PTPRD: variants seen among roughly 807,000 people sequenced by gnomAD.
PTPRD encodes protein tyrosine phosphatase receptor type D.
PTPRD carries 34 observed loss-of-function variants against 214.5 expected under a neutral mutation model. That is an observed-to-expected ratio of 0.16 (90% confidence interval 0.12 to 0.21). The LOEUF is 0.21. Among genes scored for constraint, PTPRD ranks in the 10% least tolerant of loss-of-function variants. PTPRD has a pLI of 1.00. For missense variants in PTPRD, 2,545 were observed against 2,398.7 expected (o/e 1.06, Z -1.27); for synonymous variants, 1,128 against 845.7 (o/e 1.33, Z -5.79).
At chr9:9,761,068 G>A (rs1371159749) in intron 6 of PTPRD, among the ~76,000 whole-genome samples, 2 of 152,130 alleles carry the variant, frequency 1.3e-5, no homozygotes, top group Admixed American at 6.5e-5. Context: ...TCCAGATAAA[G>A]GAAGACATAT....
rs532194592 is a variant in PTPRD, at chr9:9,850,538, TATTTC to T, written c.-367-83692_-367-83688del. 3.1e-3 allele frequency among the ~76,000 whole-genome samples: 474 copies of T among 152,282 alleles called. 2 individuals are homozygous for T. Among genetic ancestry groups the T allele is most frequent in the African/African-American group, 0.01 (426 of 41,564 alleles). On this transcript the variant is annotated intron_variant, in intron 5 of 45. Transcript: ENST00000381196. ...AATGGAAGGGGAAGAGAATATTTAA[TATTTC>T]ATTTTTATATTTTTAAATAGACAAA...
At chr9:9,044,608 TA>T (rs1405020450) in intron 10 of PTPRD, among the ~76,000 whole-genome samples, 1 of 152,186 alleles carries the variant, frequency 6.6e-6, no homozygotes, top group Admixed American at 6.5e-5. Flanking sequence ...CACTGTTAAA[TA>T]AAAGCTGCAC....
chr9:9,344,043 C>T (rs1011309159), intron 9 of PTPRD, among the ~76,000 whole-genome samples: 1 of 152,030 alleles, frequency 6.6e-6, no homozygotes, highest in African/African-American at 2.4e-5. Flanking sequence ...TTCTAGATAG[C>T]CAAGTATACT....
At chr9:8,719,463 C>T (rs1023636260) in intron 12 of PTPRD, among the ~76,000 whole-genome samples, 2 of 152,218 alleles carry the variant, frequency 1.3e-5, no homozygotes, top group African/African-American at 4.8e-5. Context: ...TAACTAACTT[C>T]ATCAGGTTAA....
chr9:10,272,603 C>T (rs2094481636), intron 3 of PTPRD, among the ~76,000 whole-genome samples: 1 of 152,156 alleles, frequency 6.6e-6, no homozygotes. Flanking sequence ...AGAGACAGCA[C>T]TATGTTTCAT....
chr9:10,511,758 G>A (rs1413125866), intron 2 of PTPRD, among the ~76,000 whole-genome samples: 1 of 149,694 alleles, frequency 6.7e-6, no homozygotes, highest in Non-Finnish European at 1.5e-5. Flanking sequence ...GTTGTGTAAT[G>A]GCATTTCATT....
At chr9:10,105,870 G>A (rs966744064) in intron 3 of PTPRD, among the ~76,000 whole-genome samples, 1 of 151,430 alleles carries the variant, frequency 6.6e-6, no homozygotes, top group Admixed American at 6.6e-5. Flanking sequence ...GGTCTTACAT[G>A]ACATTGAATA....
At chr9:8,928,229 G>C (rs918941239) in intron 11 of PTPRD, among the ~76,000 whole-genome samples, 6 of 152,202 alleles carry the variant, frequency 3.9e-5, no homozygotes, top group African/African-American at 9.6e-5. Flanking sequence ...TGTCAATTAT[G>C]GCTTTTGTTG....
chr9:8,804,525 A>C (rs1410137197), intron 11 of PTPRD, among the ~76,000 whole-genome samples: 1 of 151,998 alleles, frequency 6.6e-6, no homozygotes, highest in African/African-American at 2.4e-5. Flanking sequence ...TGGGCACTGG[A>C]GGTCGAGGCT....
chr9:10,043,775 T>C (rs1485100024), intron 3 of PTPRD, among the ~76,000 whole-genome samples: 2 of 151,818 alleles, frequency 1.3e-5, no homozygotes, highest in Non-Finnish European at 2.9e-5. Flanking sequence ...CCTTGATTAT[T>C]TCATGTAGGA....
chr9:10,290,712 T>G (rs966030492), intron 3 of PTPRD, among the ~76,000 whole-genome samples: 2 of 152,154 alleles, frequency 1.3e-5, no homozygotes, highest in Non-Finnish European at 2.9e-5. Context: ...ACATGCATTA[T>G]GTTTAGGAGA....
chr9:10,230,506 T>C (rs986594057), intron 3 of PTPRD, among the ~76,000 whole-genome samples: 4 of 149,324 alleles, frequency 2.7e-5, no homozygotes, highest in Admixed American at 2.0e-4. Context: ...CTATTATCTA[T>C]GTATCTATCT....
At chr9:9,978,801 G>A (rs976976450) in intron 4 of PTPRD, among the ~76,000 whole-genome samples, 1 of 151,908 alleles carries the variant, frequency 6.6e-6, no homozygotes, top group African/African-American at 2.4e-5. Flanking sequence ...ACAGATCGAA[G>A]AGTACAGGTA....
chr9:8,788,915 A>G (rs959004961), intron 11 of PTPRD, among the ~76,000 whole-genome samples: 10 of 148,602 alleles, frequency 6.7e-5, no homozygotes, highest in South Asian at 4.1e-4. Context: ...TATATCACCA[A>G]TTTAATGTTT....
chr9:10,047,595 G>A (rs1368678849), intron 3 of PTPRD, among the ~76,000 whole-genome samples: 4 of 151,746 alleles, frequency 2.6e-5, no homozygotes, highest in African/African-American at 9.7e-5. Context: ...CACCTCTATG[G>A]CTCCAACATT....
intron 12 of PTPRD, among the ~76,000 whole-genome samples, chr9:8,709,297 G>A (rs144343206): frequency 0.081 from 12,294 of 151,838 alleles, 650 homozygotes; most frequent in South Asian, 0.12. Context: ...GGCGGATCAC[G>A]AGGTCAGGAG....
chr9:9,082,827 A>G (rs1006326188), intron 10 of PTPRD, among the ~76,000 whole-genome samples: 1 of 152,178 alleles, frequency 6.6e-6, no homozygotes, highest in African/African-American at 2.4e-5. Context: ...TAAAATACCT[A>G]GGAATATAAC....
intron 9 of PTPRD, among the ~76,000 whole-genome samples, chr9:9,393,332 A>T (rs987414610): frequency 3.9e-5 from 6 of 152,120 alleles, no homozygotes; most frequent in Non-Finnish European, 1.5e-5. Context: ...AGGCACTTGC[A>T]ATGGGGATTC....
intron 3 of PTPRD, among the ~76,000 whole-genome samples, chr9:10,082,114 T>A (rs756209959): frequency 1.5e-4 from 23 of 152,084 alleles, no homozygotes; most frequent in African/African-American, 5.6e-4. Context: ...AAAATGAACC[T>A]CTTCATTATA....
Sources: gnomAD v4.1 joint callset for allele counts (sites outside exome capture counted in the v4.1 genomes callset) on GRCh38, gnomAD v4.1.1 for gene constraint, MANE v1.5 for transcripts, NCBI Gene and HGNC (gene_info 2026-07-23, HGNC 2026-07-21) for gene names.